INSYN2B: variants seen among roughly 807,000 people sequenced by gnomAD.
INSYN2B encodes inhibitory synaptic factor family member 2B, also known as protein INSYN2B.
Under a neutral mutation model 41.2 loss-of-function variants are expected in INSYN2B, and 16 were observed. The ratio of observed to expected loss-of-function variants is 0.39; its 90% CI spans 0.26 to 0.59. INSYN2B has a LOEUF of 0.59. Ranked by LOEUF, INSYN2B falls within the 20% of genes least tolerant of loss-of-function variation. INSYN2B has a pLI of 0.57. For synonymous variants in INSYN2B, 245 were observed against 244.4 expected (o/e 1.00, Z -0.02); for missense variants, 608 against 646.4 (o/e 0.94, Z 0.64).
At chr5:169,894,376 C>T (rs1339371446) in intron 1 of INSYN2B, among the ~76,000 whole-genome samples, 1 of 152,158 alleles carries the variant, frequency 6.6e-6, no homozygotes, top group Non-Finnish European at 1.5e-5. Context: ...CACAGCATGA[C>T]TTGGAAGTAC....
intron 1 of INSYN2B, among the ~76,000 whole-genome samples, chr5:169,930,524 T>C (rs966164622): frequency 1.1e-4 from 17 of 152,348 alleles, no homozygotes; most frequent in African/African-American, 4.1e-4. Flanking sequence ...CTGGAATTAC[T>C]TACAAGGGTG....
intron 1 of INSYN2B, among the ~76,000 whole-genome samples, chr5:169,891,995 C>CAAAAAAAAAAAAAA (rs571918885): frequency 1.6e-5 from 1 of 64,226 alleles, no homozygotes; most frequent in African/African-American, 6.1e-5. Context: ...GATTCCGTCC[C>CAAAAAAAAAAAAAA]AAAAAAAAAA....
At chr5:169,957,445 A>T (rs2113737440) in intron 1 of INSYN2B, among the ~76,000 whole-genome samples, 1 of 152,274 alleles carries the variant, frequency 6.6e-6, no homozygotes, top group Admixed American at 6.5e-5. Flanking sequence ...TCTGTGTAAA[A>T]CTATGTTGTC....
At chr5:169,904,003 G>A (rs1218668671) in intron 1 of INSYN2B, among the ~76,000 whole-genome samples, 1 of 147,986 alleles carries the variant, frequency 6.8e-6, no homozygotes, top group Non-Finnish European at 1.5e-5. Flanking sequence ...TGAGGCATGA[G>A]AATTGCTTGA....
intron 1 of INSYN2B, among the ~76,000 whole-genome samples, chr5:169,889,471 A>G (rs1376228741): frequency 6.6e-6 from 1 of 152,222 alleles, no homozygotes; most frequent in Admixed American, 6.5e-5. Context: ...CTCATATGGA[A>G]TCTGTTCCTA....
chr5:169,867,658 C>A (rs1010894301), intron 3 of INSYN2B, among the ~76,000 whole-genome samples: 2 of 151,476 alleles, frequency 1.3e-5, no homozygotes, highest in Non-Finnish European at 2.9e-5. Context: ...CTACCTCTAG[C>A]ATCTATTTGT....
intron 3 of INSYN2B, chr5:169,875,743 TA>T (rs1245038978): frequency 6.5e-6 from 1 of 154,786 alleles, no homozygotes; most frequent in Non-Finnish European, 1.4e-5. Flanking sequence ...GATCAGTAAA[TA>T]ATGGATCCTC....
chr5:169,906,821 G>A (rs1284768441), intron 1 of INSYN2B, among the ~76,000 whole-genome samples: 1 of 152,220 alleles, frequency 6.6e-6, no homozygotes, highest in Non-Finnish European at 1.5e-5. Context: ...AAAGTCTATA[G>A]GGAAATTAGG....
intron 1 of INSYN2B, among the ~76,000 whole-genome samples, chr5:169,927,801 A>G (rs942771792): frequency 1.2e-4 from 18 of 152,132 alleles, no homozygotes; most frequent in African/African-American, 3.9e-4. Context: ...TATTTTTAGT[A>G]GAGATGGGGT....
At chr5:169,964,244 G>A (rs1279917601) in intron 1 of INSYN2B, among the ~76,000 whole-genome samples, 1 of 152,130 alleles carries the variant, frequency 6.6e-6, no homozygotes. Flanking sequence ...CCTTTTCTTA[G>A]CCTGGAGTTC....
chr5:169,888,800 G>A (rs1773120886), intron 1 of INSYN2B, among the ~76,000 whole-genome samples: 1 of 152,202 alleles, frequency 6.6e-6, no homozygotes, highest in African/African-American at 2.4e-5. Context: ...TCACTCTTCA[G>A]ATAGAACCCA....
chr5:169,950,644 C>T (rs764179763), intron 1 of INSYN2B, among the ~76,000 whole-genome samples: 1 of 152,242 alleles, frequency 6.6e-6, no homozygotes, highest in Non-Finnish European at 1.5e-5. Flanking sequence ...CAGGTGTACT[C>T]TTTTCCCCTA....
intron 3 of INSYN2B, among the ~76,000 whole-genome samples, chr5:169,872,861 A>G (rs1459144019): frequency 1.3e-5 from 2 of 152,216 alleles, no homozygotes; most frequent in Non-Finnish European, 1.5e-5. Flanking sequence ...CATCTGTAAA[A>G]TGGGAATGTT....
At chr5:169,965,143 G>A (rs1777249638) in intron 1 of INSYN2B, among the ~76,000 whole-genome samples, 1 of 152,198 alleles carries the variant, frequency 6.6e-6, no homozygotes, top group African/African-American at 2.4e-5. Context: ...TGAGTGAAAG[G>A]GGAGGATTGC....
rs554440310 is a variant in INSYN2B at position 169,869,615 on chromosome 5, G to A, written c.1422-5156C>T. Among the ~76,000 whole-genome samples the A allele has an allele frequency of 2.6e-5, 4 of 152,298 alleles. No homozygotes were observed. In the East Asian group the frequency reaches 7.7e-4, roughly 29 times the overall value. ...CATCTGCTTTTTATCTTGAGGCTGG[G>A]TAGAAAAGAGAAGATGCATTTCTAC... On this transcript the variant is annotated intron_variant, in intron 3 of 3. Coordinates refer to ENST00000377365, the MANE Select transcript of INSYN2B (RefSeq NM_001129891.3).
intron 1 of INSYN2B, among the ~76,000 whole-genome samples, chr5:169,973,072 C>T (rs764560578): frequency 2.6e-5 from 4 of 152,190 alleles, no homozygotes; most frequent in Non-Finnish European, 5.9e-5. Context: ...CACTCCTCTT[C>T]ACTCCTCAAG....
chr5:169,948,716 G>A (rs952234308), intron 1 of INSYN2B, among the ~76,000 whole-genome samples: 24 of 151,036 alleles, frequency 1.6e-4, no homozygotes, highest in African/African-American at 5.4e-4. Flanking sequence ...TGGACTAAGC[G>A]ATTCTCCCAC....
chr5:169,931,830 C>G (rs1183770339), intron 1 of INSYN2B, among the ~76,000 whole-genome samples: 2 of 152,220 alleles, frequency 1.3e-5, no homozygotes, highest in African/African-American at 4.8e-5. Context: ...AATCCTTCCT[C>G]CAGGGATCAT....
chr5:169,912,835 G>A (rs1474970634), intron 1 of INSYN2B, among the ~76,000 whole-genome samples: 1 of 151,764 alleles, frequency 6.6e-6, no homozygotes, highest in African/African-American at 2.4e-5. Flanking sequence ...TTTCTAGGAG[G>A]TACTTCTTTT....
Sources: allele counts gnomAD v4.1 joint callset (sites outside exome capture counted in the v4.1 genomes callset), GRCh38; gene constraint gnomAD v4.1.1; transcripts MANE v1.5; gene names NCBI Gene and HGNC (gene_info 2026-07-23, HGNC 2026-07-21).